Variants in KIAA1217 observed in about 807,000 individuals in gnomAD.
The protein encoded by KIAA1217 is sickle tail protein homolog.
In KIAA1217, 88 loss-of-function variants were observed where a neutral mutation model predicts 163.9. The observed-to-expected ratio is 0.54, with a 90% CI of 0.45 to 0.64. The LOEUF (loss-of-function observed/expected upper bound fraction) is 0.64. Ranked by LOEUF, KIAA1217 falls within the 30% of genes least tolerant of loss-of-function variation. KIAA1217 has a pLI of 0.00. For missense variants in KIAA1217, 2,372 were observed against 2,475.0 expected, an observed-to-expected ratio of 0.96 and a Z score of 0.88; for synonymous variants, 903 against 923.1, an observed-to-expected ratio of 0.98 and a Z score of 0.39.
chr10:24,088,119 A>G (rs1762278031), intron 2 of KIAA1217, among the ~76,000 whole-genome samples: 1 of 123,146 alleles, frequency 8.1e-6, no homozygotes. Context: ...TTATGTAGAT[A>G]ATGAGTTCTT....
chr10:24,210,823 GAGAC>G (rs1424357219), intron 1 of KIAA1217, among the ~76,000 whole-genome samples: 2 of 152,122 alleles, frequency 1.3e-5, no homozygotes, highest in Non-Finnish European at 2.9e-5. Context: ...GGAGCTGGTA[GAGAC>G]AGACAATGAA....
At chr10:24,368,493 C>T (rs2051107590) in intron 2 of KIAA1217, among the ~76,000 whole-genome samples, 1 of 151,702 alleles carries the variant, frequency 6.6e-6, no homozygotes, top group South Asian at 2.1e-4. Flanking sequence ...AATTGGATAT[C>T]TGAAATTTTT....
intron 2 of KIAA1217, among the ~76,000 whole-genome samples, chr10:24,295,355 G>A (rs1435813495): frequency 6.6e-6 from 1 of 152,140 alleles, no homozygotes; most frequent in Non-Finnish European, 1.5e-5. Context: ...CATTATTCAA[G>A]TAAGATCCAA....
chr10:23,967,924 T>C (rs2131385080), intron 1 of KIAA1217, among the ~76,000 whole-genome samples: 1 of 151,702 alleles, frequency 6.6e-6, no homozygotes, highest in African/African-American at 2.4e-5. Context: ...TGTGTGTGTG[T>C]GTGTGTGTGT....
At chr10:24,425,924 A>G (rs1272390286) in intron 3 of KIAA1217, among the ~76,000 whole-genome samples, 1 of 152,208 alleles carries the variant, frequency 6.6e-6, no homozygotes, top group African/African-American at 2.4e-5. Flanking sequence ...TGTAGGTGTA[A>G]AAACTTACCT....
intron 3 of KIAA1217, among the ~76,000 whole-genome samples, chr10:24,402,648 A>T (rs2056722956): frequency 6.6e-6 from 1 of 152,188 alleles, no homozygotes; most frequent in African/African-American, 2.4e-5. Flanking sequence ...AACAATCAGG[A>T]CTTTGTAGTA....
At chr10:23,740,889 T>C (rs1197258694) in intron 1 of KIAA1217, among the ~76,000 whole-genome samples, 1 of 152,042 alleles carries the variant, frequency 6.6e-6, no homozygotes, top group Non-Finnish European at 1.5e-5. Flanking sequence ...GATCGTGCCA[T>C]TGCACTCCAG....
rs74124843 is a variant in KIAA1217, at chr10:23,977,502, T to G, written c.-320-29723T>G. Among the ~76,000 whole-genome samples the G allele has an allele frequency of 5.6e-3, 847 of 152,198 alleles. 5 individuals carry two copies. Among genetic ancestry groups the G allele is most frequent in the African/African-American group, 0.019 (803 of 41,528 alleles). Reference sequence around the variant, plus strand: ...ATTCTTTCTGTCACACTTTCATGCTTGAGAACTAGGAACAAGAAAGGGGAA... The same window carrying G: ...ATTCTTTCTGTCACACTTTCATGCTGGAGAACTAGGAACAAGAAAGGGGAA... On this transcript the variant is annotated intron_variant, in intron 1 of 18. Coordinates refer to the KIAA1217 transcript ENST00000376462.
chr10:24,324,463 A>G (rs1164637644), intron 2 of KIAA1217, among the ~76,000 whole-genome samples: 1 of 152,188 alleles, frequency 6.6e-6, no homozygotes, highest in Non-Finnish European at 1.5e-5. Flanking sequence ...GCTACTGAGG[A>G]GGCTAAGGCA....
chr10:24,515,436 A>AAAG (rs1162734400), intron 10 of KIAA1217, among the ~76,000 whole-genome samples: 2 of 152,198 alleles, frequency 1.3e-5, no homozygotes, highest in Non-Finnish European at 2.9e-5. Flanking sequence ...CTGGCCTAGA[A>AAAG]AAGCCATCTT....
chr10:24,412,695 A>T (rs2057901293), intron 3 of KIAA1217, among the ~76,000 whole-genome samples: 1 of 152,126 alleles, frequency 6.6e-6, no homozygotes, highest in African/African-American at 2.4e-5. Flanking sequence ...TCATCCATAG[A>T]CACTGGCTTC....
At chr10:23,975,121 C>G (rs1387664882) in intron 1 of KIAA1217, among the ~76,000 whole-genome samples, 1 of 152,172 alleles carries the variant, frequency 6.6e-6, no homozygotes, top group Non-Finnish European at 1.5e-5. Context: ...ATGCCAATGT[C>G]CCTACTTTTT....
intron 2 of KIAA1217, among the ~76,000 whole-genome samples, chr10:24,080,637 A>G (rs904903858): frequency 2.6e-5 from 4 of 152,234 alleles, no homozygotes; most frequent in African/African-American, 7.2e-5. Context: ...AATTCCTTCC[A>G]ACTTTGCATA....
chr10:23,856,721 C>T (rs1400994967), intron 1 of KIAA1217, among the ~76,000 whole-genome samples: 2 of 152,256 alleles, frequency 1.3e-5, no homozygotes, highest in Non-Finnish European at 2.9e-5. Context: ...ATGGCAGGCG[C>T]CCCTCCCCCA....
At chr10:23,931,995 G>A (rs1202275995) in intron 1 of KIAA1217, among the ~76,000 whole-genome samples, 1 of 152,174 alleles carries the variant, frequency 6.6e-6, no homozygotes, top group East Asian at 1.9e-4. Context: ...AAGAGCTGTG[G>A]CAGTTGGTAA....
At chr10:24,055,312 A>G (rs1411213063) in intron 2 of KIAA1217, among the ~76,000 whole-genome samples, 2 of 152,196 alleles carry the variant, frequency 1.3e-5, no homozygotes, top group Admixed American at 6.5e-5. Context: ...TATATTTAAA[A>G]TGATGGAAGT....
chr10:24,398,072 T>C (rs574355365), intron 3 of KIAA1217, among the ~76,000 whole-genome samples: 1 of 152,332 alleles, frequency 6.6e-6, no homozygotes, highest in African/African-American at 2.4e-5. Context: ...AATTCACATA[T>C]AGCTTTTGAC....
intron 3 of KIAA1217, among the ~76,000 whole-genome samples, chr10:24,429,286 G>A (rs2059404350): frequency 6.6e-6 from 1 of 152,144 alleles, no homozygotes; most frequent in Non-Finnish European, 1.5e-5. Flanking sequence ...CTTCTGGAAT[G>A]TCTCAGTGAC....
chr10:24,191,690 A>G (rs1215529552), intron 2 of KIAA1217, among the ~76,000 whole-genome samples: 1 of 152,234 alleles, frequency 6.6e-6, no homozygotes, highest in African/African-American at 2.4e-5. Flanking sequence ...AACAGATTTC[A>G]TTGCCAGCTT....
Sources: allele counts gnomAD v4.1 joint callset (sites outside exome capture counted in the v4.1 genomes callset), GRCh38; gene constraint gnomAD v4.1.1; transcripts MANE v1.5; gene names NCBI Gene and HGNC (gene_info 2026-07-23, HGNC 2026-07-21).